The following VMP1 variants were observed in gnomAD, a reference collection of about 807,000 sequenced individuals.
VMP1 encodes the protein ectopic P-granules autophagy protein 3 homolog.
A neutral mutation model predicts 56.0 loss-of-function variants in VMP1; 11 were observed. The observed-to-expected ratio is 0.20, with a 90% confidence interval of 0.12 to 0.32. The LOEUF (loss-of-function observed/expected upper bound fraction) is 0.32. Among genes scored for constraint, VMP1 ranks in the 10% least tolerant of loss-of-function variants. VMP1 has a pLI of 1.00. For synonymous variants in VMP1, 149 were observed against 165.0 expected (o/e 0.90, Z 0.74); for missense variants, 296 against 490.3 (o/e 0.60, Z 3.74).
intron 9 of VMP1, among the ~76,000 whole-genome samples, chr17:59,814,048 T>G (rs1173660077): frequency 6.6e-6 from 1 of 152,156 alleles, no homozygotes; most frequent in African/African-American, 2.4e-5. Context: ...TGGCGTGATT[T>G]CAGCTCACTG....
intron 3 of VMP1, 22 bp from the exon 4 acceptor site, chr17:59,737,431 A>T (rs767028719): frequency 5.0e-6 from 8 of 1,593,282 alleles, no homozygotes; most frequent in African/African-American, 1.4e-5. Context: ...TGAGATATTT[A>T]TTTTTTTTAT....
At chr17:59,747,522 G>T (rs1568069255) in intron 5 of VMP1, among the ~76,000 whole-genome samples, 1 of 150,472 alleles carries the variant, frequency 6.6e-6, no homozygotes, top group Non-Finnish European at 1.5e-5. Context: ...TGATTCTCCT[G>T]CCTCAGCTTA....
intron 9 of VMP1, among the ~76,000 whole-genome samples, chr17:59,812,668 C>A (rs1254736219): frequency 1.3e-5 from 2 of 152,154 alleles, no homozygotes; most frequent in Non-Finnish European, 2.9e-5. Flanking sequence ...CGTGGTGGCT[C>A]ACGCCTGTAA....
chr17:59,744,426 C>T (rs1263700605), intron 5 of VMP1, among the ~76,000 whole-genome samples: 1 of 143,876 alleles, frequency 7.0e-6, no homozygotes, highest in Non-Finnish European at 1.5e-5. Context: ...TCCACCACTG[C>T]ACCCCGGCCT....
chr17:59,756,798 G>A (rs908998344), intron 5 of VMP1, among the ~76,000 whole-genome samples: 4 of 152,102 alleles, frequency 2.6e-5, no homozygotes, highest in Non-Finnish European at 4.4e-5. Flanking sequence ...TAGGTCTTTC[G>A]TTTTTAAAAG....
intron 7 of VMP1, among the ~76,000 whole-genome samples, chr17:59,799,504 G>C (rs1211436872): frequency 6.6e-6 from 1 of 152,086 alleles, no homozygotes; most frequent in African/African-American, 2.4e-5. Context: ...CTTATAGCTA[G>C]TAATTTAAAA....
In VMP1 at chr17:59,772,950, C is replaced by CTTTTTTTTTTTTTTTTTT. The variant is rs1179269248; in HGVS notation, c.583-791_583-774dup. Among the ~76,000 whole-genome samples, 66 of 55,718 alleles carry CTTTTTTTTTTTTTTTTTT rather than the reference C, an allele frequency of 1.2e-3. 15 individuals are homozygous for CTTTTTTTTTTTTTTTTTT. Among genetic ancestry groups the CTTTTTTTTTTTTTTTTTT allele is most frequent in the East Asian group, 1.8e-3 (3 of 1,686 alleles). 36.6% of individuals were successfully genotyped at this position (55,718 alleles called of 152,430 possible). A position where few individuals can be genotyped will look rare whatever the true frequency, so the allele number is the denominator to read the frequency against. On this transcript the variant is annotated intron_variant, in intron 6 of 11. Transcript: ENST00000262291. ...TATCTAACACATATACTGGTGAATT[C>CTTTTTTTTTTTTTTTTTT]TTTTTTTTTTTTTTTTTTTTTTTTT... is the stretch of plus-strand genomic sequence containing the variant.
intron 10 of VMP1, among the ~76,000 whole-genome samples, chr17:59,830,384 G>A (rs1879157646): frequency 2.6e-5 from 4 of 152,108 alleles, no homozygotes; most frequent in Admixed American, 2.6e-4. Flanking sequence ...TAAGTACCCT[G>A]ACCTGAATCT....
At chr17:59,737,675 G>C in intron 4 of VMP1, 132 bp downstream of exon 4, 1 of 675,828 alleles carries the variant, frequency 1.5e-6, no homozygotes, top group African/African-American at 1.9e-5. Flanking sequence ...TATCTCAAAT[G>C]TTTTACTTTT....
chr17:59,825,917 C>T (rs1300832731), intron 10 of VMP1, among the ~76,000 whole-genome samples: 1 of 152,154 alleles, frequency 6.6e-6, no homozygotes, highest in Non-Finnish European at 1.5e-5. Flanking sequence ...GCTACGTGGG[C>T]CTGGACTTTT....
At chr17:59,710,499 C>T (rs896512556) in intron 1 of VMP1, among the ~76,000 whole-genome samples, 4 of 152,218 alleles carry the variant, frequency 2.6e-5, no homozygotes, top group African/African-American at 9.7e-5. Context: ...GATCTATCCA[C>T]ATACACACGT....
chr17:59,711,135 CA>C (rs34251771), intron 1 of VMP1, among the ~76,000 whole-genome samples: 111 of 140,644 alleles, frequency 7.9e-4, no homozygotes, highest in Non-Finnish European at 1.1e-3. Flanking sequence ...TTTGCTCTTA[CA>C]AAAAAAAAAA....
At chr17:59,811,897 G>C in intron 9 of VMP1, 111 bp downstream of exon 9, 1 of 779,956 alleles carries the variant, frequency 1.3e-6, no homozygotes, top group Non-Finnish European at 2.1e-6. Context: ...TTTTTTGGTT[G>C]GTAGCTTACT....
At chr17:59,769,243 C>T (rs370496900) in intron 6 of VMP1, among the ~76,000 whole-genome samples, 5 of 150,976 alleles carry the variant, frequency 3.3e-5, no homozygotes, top group Middle Eastern at 6.8e-3. Flanking sequence ...CAACCTCCGC[C>T]TCCCAGGTTC....
chr17:59,762,882 G>C (rs1416991460), intron 5 of VMP1, among the ~76,000 whole-genome samples: 3 of 152,044 alleles, frequency 2.0e-5, no homozygotes, highest in Non-Finnish European at 4.4e-5. Context: ...AATCTGTTAG[G>C]ATACATTTTT....
intron 7 of VMP1, among the ~76,000 whole-genome samples, chr17:59,775,638 A>G (rs904530284): frequency 1.3e-5 from 2 of 152,204 alleles, no homozygotes; most frequent in East Asian, 3.8e-4. Flanking sequence ...TTCTTTTTGA[A>G]TAATATTTAA....
Position 59,809,014 on chromosome 17 carries a change from T to TC in VMP1, c.795+138_795+139insC. ...TGTGAATCATTCACCTTTTTTTTTT[T>TC]TTAAGACGGAGTCTCCCTCTTGTCA... On this transcript the variant is annotated intron_variant, in intron 8 of 11. Transcript: ENST00000262291. 28 of 717,616 alleles carry TC rather than the reference T, an allele frequency of 3.9e-5. No individual in the cohort carries two copies. The African/African-American group carries it at 4.6e-4, about 12-fold the overall frequency. The allele number at this position is 717,616 out of a possible 1,614,324, so 44.5% of individuals were successfully genotyped here. A position where few individuals can be genotyped will look rare whatever the true frequency, so the allele number is the denominator to read the frequency against.
chr17:59,817,563 G>A (rs1274160025), intron 9 of VMP1, 149 bp from the exon 10 acceptor site: 5 of 489,286 alleles, frequency 1.0e-5, no homozygotes, highest in Non-Finnish European at 1.5e-5. Flanking sequence ...TGTTGGACAG[G>A]ATGGAAATGT....
intron 6 of VMP1, among the ~76,000 whole-genome samples, chr17:59,768,217 A>T (rs774029906): frequency 6.6e-6 from 1 of 152,158 alleles, no homozygotes; most frequent in Non-Finnish European, 1.5e-5. Flanking sequence ...CTTCTTTGTA[A>T]CTGTCTCGTT....
Sources: gnomAD v4.1 joint callset for allele counts (sites outside exome capture counted in the v4.1 genomes callset) on GRCh38, gnomAD v4.1.1 for gene constraint, MANE v1.5 for transcripts, NCBI Gene and HGNC (gene_info 2026-07-23, HGNC 2026-07-21) for gene names.